Variants in ZMAT3 observed in about 807,000 individuals in gnomAD.
The protein encoded by ZMAT3 is zinc finger matrin-type protein 3.
Under a neutral mutation model 32.3 loss-of-function variants are expected in ZMAT3, and 17 were observed. That is an observed-to-expected ratio of 0.53 (90% CI 0.36 to 0.79). The LOEUF (loss-of-function observed/expected upper bound fraction) is 0.79, where lower values mean the gene tolerates loss of function less well. ZMAT3 is among the 30% of genes least tolerant of loss of function. The pLI is 0.00. For missense variants in ZMAT3, 329 were observed against 359.7 expected, an observed-to-expected ratio of 0.91 and a Z score of 0.69; for synonymous variants, 120 against 133.1, an observed-to-expected ratio of 0.90 and a Z score of 0.68.
chr3:179,044,983 T>A (rs921177043), intron 2 of ZMAT3, among the ~76,000 whole-genome samples: 3 of 151,946 alleles, frequency 2.0e-5, no homozygotes, highest in African/African-American at 7.2e-5. Context: ...TACCTATGTA[T>A]CAAACCTGCG....
At chr3:179,036,012 G>A (rs964102065) in intron 2 of ZMAT3, among the ~76,000 whole-genome samples, 8 of 152,336 alleles carry the variant, frequency 5.3e-5, no homozygotes, top group Middle Eastern at 3.4e-3. Flanking sequence ...TCCTTTGGAG[G>A]AGAGGCAAAA....
rs1217739954 is a variant in ZMAT3 at position 179,022,340 on chromosome 3, A to C, written c.*2677T>G. 6.6e-6 allele frequency: 1 copy of C among 152,226 alleles called. No individual in the cohort carries two copies. Among genetic ancestry groups the C allele is most frequent in the Non-Finnish European group, 1.5e-5 (1 of 68,036 alleles). 9.4% of individuals were successfully genotyped at this position (152,226 alleles called of 1,614,324 possible). ...CAAAGTGGATGAATGACATTTTTAC[A>C]AAATATAAATTCATGTTCGTATCTT... On this transcript the variant is annotated 3_prime_UTR_variant, in exon 6 of 6. Transcript: ENST00000311417.
intron 5 of ZMAT3, 43 bp downstream of exon 5, chr3:179,027,380 A>T (rs1001103788): frequency 6.8e-7 from 1 of 1,481,080 alleles, no homozygotes; most frequent in Admixed American, 1.8e-5. Context: ...AAAGGAGACT[A>T]GGTACAGAAT....
In ZMAT3 at chr3:179,027,699, C is replaced by G. The variant is rs1718952086; in HGVS notation, c.504G>C (p.Gly168=). 6.2e-7 allele frequency: 1 copy of G among 1,614,078 alleles called. No homozygotes were observed. Among genetic ancestry groups the G allele is most frequent in the African/African-American group, 1.3e-5 (1 of 74,924 alleles). Residue 168 remains glycine (G), a synonymous_variant, in exon 4 of 6, where the codon GGG becomes GGC. Coordinates refer to ENST00000311417, the MANE Select transcript of ZMAT3 (RefSeq NM_022470.4). ...SPAVAQAHYQ[G]KNHAKRLRLA... ...GCCGCAGCCTCTTGGCATGATTCTT[C>G]CCTTGATAGTGAGCCTGAGCCACAG... is the stretch of plus-strand genomic sequence containing the variant.
At chr3:179,056,938 G>A (rs1303017056) in intron 2 of ZMAT3, among the ~76,000 whole-genome samples, 1 of 152,186 alleles carries the variant, frequency 6.6e-6, no homozygotes, top group Non-Finnish European at 1.5e-5. Flanking sequence ...CATAGGAGAA[G>A]GAACACCCAT....
At chr3:179,034,813 T>C (rs1719492385) in intron 2 of ZMAT3, among the ~76,000 whole-genome samples, 1 of 152,140 alleles carries the variant, frequency 6.6e-6, no homozygotes, top group Non-Finnish European at 1.5e-5. Context: ...CCTGATTCCA[T>C]CCTTCCCTAA....
rs1718949622 is a variant in ZMAT3, at chr3:179,027,676, C to T, written c.527G>A (p.Arg176Gln). ...TGAGTTACTCTGAGCTTCCGCCAGC[C>T]GCAGCCTCTTGGCATGATTCTTCCC... ...YQGKNHAKRL[R>Q]LAEAQSNSFS... The change falls in exon 4 of 6, where the codon CGG becomes CAG. Residue 176 changes from arginine (R) to glutamine (Q), a missense_variant. Transcript: ENST00000311417. 1 of 1,614,162 alleles carries T rather than the reference C, an allele frequency of 6.2e-7. No individual in the cohort carries two copies. The highest frequency in any genetic ancestry group is 8.5e-7 in the Non-Finnish European group (1 of 1,180,028).
At chr3:179,058,099 T>C (rs932440785) in intron 2 of ZMAT3, among the ~76,000 whole-genome samples, 1 of 152,220 alleles carries the variant, frequency 6.6e-6, no homozygotes, top group Non-Finnish European at 1.5e-5. Flanking sequence ...GGTAAAGGGT[T>C]AGCCTCATTG....
At chr3:179,070,678 T>A (rs1252308686) in intron 1 of ZMAT3, among the ~76,000 whole-genome samples, 1 of 152,236 alleles carries the variant, frequency 6.6e-6, no homozygotes, top group East Asian at 1.9e-4. Context: ...AAGACTGGCA[T>A]AAATATTCTT....
In ZMAT3 at chr3:179,018,602, C is replaced by T. The variant is rs1206985003; in HGVS notation, c.*6415G>A. 6.7e-6 allele frequency: 1 copy of T among 149,452 alleles called. No individual in the cohort carries two copies. The highest frequency in any genetic ancestry group is 1.5e-5 in the Non-Finnish European group (1 of 67,732). 9.3% of individuals were successfully genotyped at this position (149,452 alleles called of 1,614,324 possible). On this transcript the variant is annotated 3_prime_UTR_variant, in exon 6 of 6. Transcript: ENST00000311417. The stretch of plus-strand genomic sequence containing the variant: ...TCTGATTCAATTCTACCCATTGAAT[C>T]TTCATGACCTGGAGAAAGTCACTTA...
chr3:179,069,651 T>C (rs1171371369), intron 1 of ZMAT3, among the ~76,000 whole-genome samples: 1 of 152,162 alleles, frequency 6.6e-6, no homozygotes, highest in Non-Finnish European at 1.5e-5. Flanking sequence ...ACACAGCACC[T>C]GAAAATCAAG....
chr3:179,040,422 G>A (rs553113714), intron 2 of ZMAT3, among the ~76,000 whole-genome samples: 61 of 152,112 alleles, frequency 4.0e-4, no homozygotes, highest in Admixed American at 1.4e-3. Context: ...AGTGGGGGCC[G>A]ATATTCAACT....
chr3:179,025,158 A>G lies in ZMAT3; in HGVS notation c.729T>C (p.Ser243=). 1 of 1,614,256 alleles carries G rather than the reference A, an allele frequency of 6.2e-7. No homozygotes were observed. The highest frequency in any genetic ancestry group is 1.1e-5 in the South Asian group (1 of 91,086). Reference sequence around the variant, plus strand: ...TACACATTGAGCAGTAAAACTGGCCACTTGGAGTAACACACATGGCCAGAT... The same window carrying G: ...TACACATTGAGCAGTAAAACTGGCCGCTTGGAGTAACACACATGGCCAGAT... The part of the protein sequence containing the change: ...PRDLAMCVTP[S]GQFYCSMCNV... Residue 243 remains serine (S), a synonymous_variant, in exon 6 of 6, where the codon AGT becomes AGC. Coordinates refer to ENST00000311417, the MANE Select transcript of ZMAT3 (RefSeq NM_022470.4).
chr3:179,035,307 C>T (rs1560087455), intron 2 of ZMAT3, among the ~76,000 whole-genome samples: 1 of 152,258 alleles, frequency 6.6e-6, no homozygotes, highest in Non-Finnish European at 1.5e-5. Context: ...TTCCCCTGCT[C>T]ATTATGCTCC....
chr3:179,060,402 G>A (rs61798203), intron 2 of ZMAT3, among the ~76,000 whole-genome samples: 5 of 150,784 alleles, frequency 3.3e-5, no homozygotes, highest in Non-Finnish European at 5.9e-5. Flanking sequence ...TTTTTTTTGG[G>A]AGACCAAGGC....
At chr3:179,038,667 G>A (rs141045535) in intron 2 of ZMAT3, among the ~76,000 whole-genome samples, 1,847 of 152,284 alleles carry the variant, frequency 0.012, 22 homozygotes, top group South Asian at 0.053. Flanking sequence ...GGTGATATCC[G>A]CATTTTGAAC....
At chr3:179,029,342 G>A (rs1188853293) in intron 3 of ZMAT3, among the ~76,000 whole-genome samples, 4 of 152,206 alleles carry the variant, frequency 2.6e-5, no homozygotes, top group South Asian at 2.1e-4. Context: ...ATTAAATGAC[G>A]TCAGGGCCTG....
intron 1 of ZMAT3, 60 bp from the exon 2 acceptor site, chr3:179,067,869 A>G: frequency 5.6e-6 from 8 of 1,424,122 alleles, no homozygotes; most frequent in South Asian, 4.1e-5. Context: ...CTTCAGCAAG[A>G]TAACATGTAA....
At chr3:179,071,902 G>T (rs1721748201), upstream of ZMAT3, 1 of 152,560 alleles carries the variant, frequency 6.6e-6, no homozygotes, top group African/African-American at 2.4e-5. Flanking sequence ...CGGCAGCGGT[G>T]GCAGCGGTAG....
Sources: allele counts gnomAD v4.1 joint callset (sites outside exome capture counted in the v4.1 genomes callset), GRCh38; gene constraint gnomAD v4.1.1; transcripts MANE v1.5; gene names NCBI Gene and HGNC (gene_info 2026-07-23, HGNC 2026-07-21).